The following FARP1 variants were observed in gnomAD, a reference collection of about 807,000 sequenced individuals.
The protein encoded by FARP1 is FERM, ARH/RhoGEF and pleckstrin domain protein 1.
A neutral mutation model predicts 128.8 loss-of-function variants in FARP1; 52 were observed. The observed-to-expected ratio is 0.40, with a 90% CI of 0.32 to 0.51. The LOEUF is 0.51. FARP1 is among the 20% of genes least tolerant of loss of function. The probability of loss-of-function intolerance (pLI) is 0.45; values close to 1 mark genes in which losing one functional copy is unlikely to be tolerated. For missense variants in FARP1, 1,333 were observed against 1,367.9 expected (o/e 0.97, Z 0.40); for synonymous variants, 580 against 551.8 (o/e 1.05, Z -0.72).
chr13:98,295,126 A>G (rs1215837956), intron 2 of FARP1, among the ~76,000 whole-genome samples: 1 of 146,564 alleles, frequency 6.8e-6, no homozygotes, highest in East Asian at 2.0e-4. Flanking sequence ...GGCATTATTT[A>G]TTTATTTATT....
At position 98,411,275 on chromosome 13, in the gene FARP1, A is replaced by C. The variant is rs140858324; in HGVS notation, c.1692+452A>C. Among the ~76,000 whole-genome samples the C allele has an allele frequency of 2.7e-3, 416 of 152,316 alleles. 2 individuals are homozygous for C. Among genetic ancestry groups the C allele is most frequent in the African/African-American group, 9.7e-3 (404 of 41,558 alleles). On this transcript the variant is annotated intron_variant, in intron 15 of 26. Transcript: ENST00000319562. Reference sequence around the variant, plus strand: ...TTTAATCAGTCCTGCTCAGTCTTGAAAACAAATTCAGGGCATTGCAGATGT... The same window carrying C: ...TTTAATCAGTCCTGCTCAGTCTTGACAACAAATTCAGGGCATTGCAGATGT...
intron 2 of FARP1, among the ~76,000 whole-genome samples, chr13:98,267,013 CA>C (rs368229193): frequency 0.018 from 1,160 of 64,260 alleles, 18 homozygotes; most frequent in African/African-American, 0.051. Flanking sequence ...ACTCCCATCT[CA>C]AAAAAAAAAA....
rs772670327 is a variant in FARP1, at chr13:98,435,736, C to T, written c.2274+30C>T. The T allele has an allele frequency of 1.1e-5, 17 of 1,611,510 alleles. No individual in the cohort carries two copies. The Middle Eastern group carries it at 5.0e-4, about 47-fold the overall frequency. The stretch of plus-strand genomic sequence containing the variant: ...GCAGCAGTGGCCTCACTATGCACTG[C>T]GCGGGGAGCAGAAAGGAGGCATCGG... On this transcript the variant is annotated intron_variant, in intron 19 of 26. Transcript: ENST00000319562.
chr13:98,430,235 G>A (rs1282871327), intron 17 of FARP1, among the ~76,000 whole-genome samples: 1 of 152,162 alleles, frequency 6.6e-6, no homozygotes, highest in Non-Finnish European at 1.5e-5. Context: ...CTGGGCAATA[G>A]AGCGAGACCC....
At chr13:98,209,216 T>G (rs956665912) in intron 1 of FARP1, among the ~76,000 whole-genome samples, 5 of 151,880 alleles carry the variant, frequency 3.3e-5, no homozygotes, top group Admixed American at 6.6e-5. Flanking sequence ...CGCCGTGTTG[T>G]CCAGGATGGT....
At chr13:98,359,785 A>T (rs28473042) in intron 3 of FARP1, among the ~76,000 whole-genome samples, 2,642 of 152,278 alleles carry the variant, frequency 0.017, 78 homozygotes, top group African/African-American at 0.06. Context: ...AGGCTATGCC[A>T]CCTAGGTGTG....
intron 2 of FARP1, among the ~76,000 whole-genome samples, chr13:98,275,223 G>T (rs1884579716): frequency 1.3e-5 from 2 of 151,942 alleles, no homozygotes; most frequent in South Asian, 4.2e-4. Context: ...ACGAACAGAT[G>T]AATTCAGATT....
At chr13:98,217,396 G>C (rs909692011) in intron 2 of FARP1, among the ~76,000 whole-genome samples, 16 of 152,128 alleles carry the variant, frequency 1.1e-4, no homozygotes, top group African/African-American at 3.9e-4. Context: ...AAGCCCAGAA[G>C]CCCCCCAGGA....
intron 5 of FARP1, among the ~76,000 whole-genome samples, chr13:98,373,996 TGCCC>T: frequency 6.6e-6 from 1 of 152,344 alleles, no homozygotes; most frequent in Middle Eastern, 3.4e-3. Flanking sequence ...GCATTCCCAT[TGCCC>T]GTCACATTAG....
At chr13:98,323,112 A>C (rs892979809) in intron 2 of FARP1, among the ~76,000 whole-genome samples, 1 of 152,258 alleles carries the variant, frequency 6.6e-6, no homozygotes, top group East Asian at 1.9e-4. Context: ...GGGGATATTT[A>C]TCTCATGTTT....
chr13:98,213,462 T>C (rs1308749105), intron 2 of FARP1, 49 bp downstream of exon 2: 3 of 1,584,202 alleles, frequency 1.9e-6, no homozygotes, highest in Non-Finnish European at 2.6e-6. Flanking sequence ...GGGGACAGCC[T>C]TTGGTGTGAG....
intron 6 of FARP1, among the ~76,000 whole-genome samples, chr13:98,381,044 G>T (rs752043058): frequency 6.6e-6 from 1 of 152,174 alleles, no homozygotes; most frequent in Non-Finnish European, 1.5e-5. Flanking sequence ...AAACCAGCAA[G>T]TGGCTCAAAA....
chr13:98,314,274 CTTTTTTTTTTTTT>C (rs140938723), intron 2 of FARP1, among the ~76,000 whole-genome samples: 19 of 59,990 alleles, frequency 3.2e-4, no homozygotes, highest in Non-Finnish European at 5.2e-4. Flanking sequence ...TATTTTATGT[CTTTTTTTTTTTTT>C]TTTTTTTTTT....
chr13:98,290,207 A>G (rs1283740228), intron 2 of FARP1, among the ~76,000 whole-genome samples: 1 of 152,072 alleles, frequency 6.6e-6, no homozygotes, highest in African/African-American at 2.4e-5. Flanking sequence ...AAAAGACCTA[A>G]CTACATCATA....
At chr13:98,433,214 A>G (rs2139068285) in intron 18 of FARP1, 1 of 152,348 alleles carries the variant, frequency 6.6e-6, no homozygotes, top group Middle Eastern at 3.4e-3. Context: ...GCAGAGGCCG[A>G]ACAGGAAGTG....
intron 6 of FARP1, 47 bp downstream of exon 6, chr13:98,377,965 G>A: frequency 7.5e-7 from 1 of 1,341,896 alleles, no homozygotes; most frequent in Non-Finnish European, 1.1e-6. Context: ...AAATAACACA[G>A]TGATCTGATT....
intron 24 of FARP1, among the ~76,000 whole-genome samples, chr13:98,442,156 C>T (rs910353206): frequency 2.0e-5 from 3 of 152,198 alleles, no homozygotes; most frequent in Non-Finnish European, 2.9e-5. Flanking sequence ...CTGCTGCAGT[C>T]GAGGCAGGAC....
chr13:98,256,958 T>TATATA lies in FARP1; in HGVS notation c.171+43546_171+43550dup, dbSNP rs1566801108. ...CAAAGTATATATGTGGATATATATA[T>TATATA]ATATATATATATATATATATATATA... is the stretch of plus-strand genomic sequence containing the variant. On this transcript the variant is annotated intron_variant, in intron 2 of 26. Transcript: ENST00000319562. Among the ~76,000 whole-genome samples, 9 of 92,312 alleles carry TATATA rather than the reference T, an allele frequency of 9.7e-5. No homozygotes were observed. In the East Asian group the frequency reaches 2.4e-3, roughly 24 times the overall value. 60.6% of individuals were successfully genotyped at this position (92,312 alleles called of 152,430 possible).
chr13:98,346,568 A>C (rs1888188135), intron 3 of FARP1, among the ~76,000 whole-genome samples: 1 of 150,608 alleles, frequency 6.6e-6, no homozygotes, highest in Admixed American at 6.6e-5. Context: ...AACATAGTGA[A>C]ACCCCATCTC....
Sources: gnomAD v4.1 joint callset for allele counts (sites outside exome capture counted in the v4.1 genomes callset) on GRCh38, gnomAD v4.1.1 for gene constraint, MANE v1.5 for transcripts, NCBI Gene and HGNC (gene_info 2026-07-23, HGNC 2026-07-21) for gene names.